Variants in DPYD observed in about 807,000 individuals in gnomAD.
DPYD encodes dihydropyrimidine dehydrogenase [NADP(+)].
Under a neutral mutation model 116.2 loss-of-function variants are expected in DPYD, and 109 were observed. The ratio of observed to expected loss-of-function variants is 0.94; its 90% CI spans 0.80 to 1.10. DPYD has a LOEUF of 1.10. DPYD is among the 50% of genes least tolerant of loss of function. The pLI is 0.00. For missense variants in DPYD, 1,302 were observed against 1,254.5 expected, an observed-to-expected ratio of 1.04 and a Z score of -0.57; for synonymous variants, 440 against 432.0, an observed-to-expected ratio of 1.02 and a Z score of -0.23.
intron 14 of DPYD, among the ~76,000 whole-genome samples, chr1:97,436,537 A>AC (rs1002148534): frequency 6.6e-6 from 1 of 151,874 alleles, no homozygotes; most frequent in African/African-American, 2.4e-5. Context: ...CAATATTCTC[A>AC]CCCCAAAGGC....
chr1:97,278,462 C>T lies in DPYD; in HGVS notation c.2299+26797G>A, dbSNP rs74398109. Among the ~76,000 whole-genome samples the T allele has an allele frequency of 8.5e-4, 130 of 152,186 alleles. 2 individuals carry two copies. In the East Asian group the frequency reaches 0.021, roughly 24 times the overall value. On this transcript the variant is annotated intron_variant, in intron 18 of 22. Coordinates refer to ENST00000370192, the MANE Select transcript of DPYD (RefSeq NM_000110.4). ...TGTGCCATTGTTGTTGATAATGTGC[C>T]GGCACATGACTAAGCTGTGATAGTT... is the stretch of plus-strand genomic sequence containing the variant.
intron 8 of DPYD, among the ~76,000 whole-genome samples, chr1:97,632,013 G>A (rs927564018): frequency 4.6e-5 from 7 of 152,058 alleles, no homozygotes; most frequent in African/African-American, 1.7e-4. Flanking sequence ...GATGCCAAAA[G>A]TGCATAAGCA....
At chr1:97,636,120 C>T (rs2100805642) in intron 8 of DPYD, among the ~76,000 whole-genome samples, 1 of 152,140 alleles carries the variant, frequency 6.6e-6, no homozygotes, top group Non-Finnish European at 1.5e-5. Flanking sequence ...TGCACCCAGC[C>T]ATAGTCCCTC....
chr1:97,370,492 G>C (rs930891194), intron 16 of DPYD, among the ~76,000 whole-genome samples: 1 of 152,120 alleles, frequency 6.6e-6, no homozygotes, highest in Non-Finnish European at 1.5e-5. Context: ...CTAGATGATG[G>C]GTTGATAGGT....
chr1:97,430,085 T>C (rs1190113383), intron 14 of DPYD, among the ~76,000 whole-genome samples: 1 of 152,152 alleles, frequency 6.6e-6, no homozygotes, highest in Non-Finnish European at 1.5e-5. Flanking sequence ...ATTCAGTGTC[T>C]CTATGATTAA....
chr1:97,745,229 TATG>T (rs1273301669), intron 3 of DPYD, among the ~76,000 whole-genome samples: 2 of 152,120 alleles, frequency 1.3e-5, no homozygotes, highest in African/African-American at 4.8e-5. Context: ...AGCTGGCAGC[TATG>T]ATAACATCAA....
chr1:97,595,000 A>T, intron 9 of DPYD, 59 bp downstream of exon 9: 1 of 1,339,052 alleles, frequency 7.5e-7, no homozygotes. Context: ...TTTTGATATT[A>T]ATTTATCATA....
rs182866579 is a variant in DPYD at position 97,520,321 on chromosome 1, C to A, written c.1525-4380G>T. On this transcript the variant is annotated intron_variant, in intron 12 of 22. Coordinates refer to ENST00000370192, the MANE Select transcript of DPYD (RefSeq NM_000110.4). The stretch of plus-strand genomic sequence containing the variant: ...ACACTGTTACATGTATTTTACCTGC[C>A]TAAAATACAAATAAATCTAAGACTT... Among the ~76,000 whole-genome samples the A allele has an allele frequency of 6.4e-3, 969 of 152,204 alleles. 5 individuals carry two copies. The highest frequency in any genetic ancestry group is 0.03 in the South Asian group (143 of 4,814).
chr1:97,365,186 G>A (rs926000199), intron 16 of DPYD, among the ~76,000 whole-genome samples: 2 of 151,990 alleles, frequency 1.3e-5, no homozygotes, highest in African/African-American at 4.8e-5. Context: ...CTTTACTCTC[G>A]AGTCATTTGT....
chr1:97,640,816 G>A (rs1303348129), intron 8 of DPYD, among the ~76,000 whole-genome samples: 2 of 151,970 alleles, frequency 1.3e-5, no homozygotes, highest in Admixed American at 6.6e-5. Flanking sequence ...AAAAAAAATG[G>A]TCACTTCAAT....
chr1:97,438,618 G>A (rs1675593843), intron 14 of DPYD, among the ~76,000 whole-genome samples: 1 of 151,802 alleles, frequency 6.6e-6, no homozygotes, highest in Non-Finnish European at 1.5e-5. Context: ...CCAAATCTAG[G>A]ATAGGCAAGT....
At chr1:97,220,215 T>C (rs906889072) in intron 19 of DPYD, among the ~76,000 whole-genome samples, 13 of 152,020 alleles carry the variant, frequency 8.6e-5, no homozygotes, top group African/African-American at 2.7e-4. Context: ...TGCACTATCA[T>C]GGGAGTGGGA....
intron 19 of DPYD, among the ~76,000 whole-genome samples, chr1:97,225,449 T>C (rs885622): frequency 0.74 from 112,414 of 151,704 alleles, 43,071 homozygotes; most frequent in East Asian, 0.99. Context: ...GGGTTCTTTA[T>C]TCAAAGAATA....
chr1:97,189,053 CT>C (rs1308912920), intron 20 of DPYD, among the ~76,000 whole-genome samples: 1 of 152,094 alleles, frequency 6.6e-6, no homozygotes, highest in Non-Finnish European at 1.5e-5. Flanking sequence ...TACCAATAAG[CT>C]TTTTTCTTTC....
chr1:97,352,837 G>A (rs1457615314), intron 16 of DPYD, among the ~76,000 whole-genome samples: 1 of 152,118 alleles, frequency 6.6e-6, no homozygotes, highest in African/African-American at 2.4e-5. Context: ...CCATGTAAAA[G>A]AATGCAGGCA....
intron 19 of DPYD, among the ~76,000 whole-genome samples, chr1:97,229,481 C>T (rs1360562985): frequency 6.9e-6 from 1 of 145,522 alleles, no homozygotes; most frequent in Non-Finnish European, 1.5e-5. Context: ...ATATTCTCTA[C>T]CCTCCACTGA....
chr1:97,842,199 A>T (rs1325726414), intron 2 of DPYD, among the ~76,000 whole-genome samples: 1 of 151,966 alleles, frequency 6.6e-6, no homozygotes, highest in Non-Finnish European at 1.5e-5. Context: ...ATTTTTAATC[A>T]ACTTTGGCGA....
At chr1:97,450,251 T>G in intron 13 of DPYD, 28 bp from the exon 14 acceptor site, 1 of 1,611,804 alleles carries the variant, frequency 6.2e-7, no homozygotes, top group Non-Finnish European at 8.5e-7. Flanking sequence ...ATATTGAGTC[T>G]CCTTTTGACA....
intron 14 of DPYD, among the ~76,000 whole-genome samples, chr1:97,412,149 T>G (rs1457609818): frequency 6.6e-6 from 1 of 152,216 alleles, no homozygotes; most frequent in African/African-American, 2.4e-5. Context: ...CTATTTCAAG[T>G]GCTGAACTAA....
Sources: allele counts gnomAD v4.1 joint callset (sites outside exome capture counted in the v4.1 genomes callset), GRCh38; gene constraint gnomAD v4.1.1; transcripts MANE v1.5; gene names NCBI Gene and HGNC (gene_info 2026-07-23, HGNC 2026-07-21).